Variants in CEACAM7 observed in about 807,000 individuals in gnomAD.
The protein encoded by CEACAM7 is cell adhesion molecule CEACAM7.
In CEACAM7, 24 loss-of-function variants were observed where a neutral mutation model predicts 25.7. The ratio of observed to expected loss-of-function variants is 0.93; its 90% CI spans 0.68 to 1.31. The LOEUF is 1.31. CEACAM7 is among the 40% of genes most tolerant of loss of function. The pLI is 0.00. For synonymous variants in CEACAM7, 144 were observed against 129.4 expected (o/e 1.11, Z -0.77); for missense variants, 324 against 330.1 (o/e 0.98, Z 0.14).
intron 3 of CEACAM7, among the ~76,000 whole-genome samples, chr19:41,677,994 A>G (rs1329248746): frequency 2.0e-5 from 3 of 152,190 alleles, no homozygotes; most frequent in Non-Finnish European, 4.4e-5. Context: ...AATTCCCAAC[A>G]GTCTTGCAGA....
At chr19:41,679,968 ATTTTTTTTTTTTT>A (rs35163344) in intron 3 of CEACAM7, among the ~76,000 whole-genome samples, 3 of 68,880 alleles carry the variant, frequency 4.4e-5, no homozygotes, top group African/African-American at 6.0e-5. Context: ...CACCTGGCTA[ATTTTTTTTTTTTT>A]TTTTTTTTTT....
intron 4 of CEACAM7, among the ~76,000 whole-genome samples, chr19:41,676,953 C>T (rs902755518): frequency 2.6e-5 from 4 of 152,048 alleles, no homozygotes; most frequent in Non-Finnish European, 4.4e-5. Context: ...TAGAGTAGGC[C>T]GCTGCAGGTT....
Position 41,683,776 on chromosome 19 carries a change from G to A in CEACAM7, c.706+9C>T. 6.2e-7 allele frequency: 1 copy of A among 1,613,820 alleles called. No homozygotes were observed. Among genetic ancestry groups the A allele is most frequent in the Non-Finnish European group, 8.5e-7 (1 of 1,179,750 alleles). ...CAGCCTGGGCCACAGAGGAACAGAA[G>A]ATACTCACAGCGGACATTCAGGGTG... On this transcript the variant is annotated intron_variant, in intron 3 of 4. Transcript: ENST00000401731.
intron 3 of CEACAM7, among the ~76,000 whole-genome samples, chr19:41,682,976 G>A (rs1218723942): frequency 6.6e-6 from 1 of 152,218 alleles, no homozygotes; most frequent in Non-Finnish European, 1.5e-5. Context: ...TGAAGTACAG[G>A]GAGGAGGGTC....
chr19:41,677,582 G>A, intron 3 of CEACAM7, 79 bp from the exon 4 acceptor site: 4 of 1,016,716 alleles, frequency 3.9e-6, no homozygotes, highest in South Asian at 2.8e-5. Context: ...CTCTCAGCAT[G>A]AAGTCGTTTC....
At chr19:41,684,108 G>C in intron 2 of CEACAM7, 45 bp from the exon 3 acceptor site, 5 of 1,569,392 alleles carry the variant, frequency 3.2e-6, no homozygotes, top group Non-Finnish European at 2.6e-6. Flanking sequence ...GTGGCCCCTT[G>C]GTTCCCCCAC....
chr19:41,680,564 A>G (rs2072164552), intron 3 of CEACAM7, among the ~76,000 whole-genome samples: 2 of 152,198 alleles, frequency 1.3e-5, no homozygotes, highest in Admixed American at 1.3e-4. Context: ...GAATACATAG[A>G]AACCAATGGA....
intron 4 of CEACAM7, among the ~76,000 whole-genome samples, chr19:41,676,438 C>T (rs1300792755): frequency 2.6e-5 from 4 of 152,178 alleles, no homozygotes; most frequent in Admixed American, 6.5e-5. Context: ...ATAGCTCACT[C>T]CAACCTTGAA....
rs782608870 is a variant in CEACAM7 at position 41,687,003 on chromosome 19, C to T, written c.283G>A (p.Ala95Thr). The T allele has an allele frequency of 8.7e-6, 14 of 1,613,390 alleles. No individual in the cohort carries two copies. Among genetic ancestry groups the T allele is most frequent in the Middle Eastern group, 1.6e-4 (1 of 6,076 alleles). Reference protein sequence around the residue: ...NISQENAPGPAHNGRETIYPN... With the variant: ...NISQENAPGPTHNGRETIYPN... Reference sequence around the variant, plus strand: ...TATATTGTCTCTCGACCGTTGTGTGCGGGCCCTGGGGCATTTTCTTGACTT... The same window carrying T: ...TATATTGTCTCTCGACCGTTGTGTGTGGGCCCTGGGGCATTTTCTTGACTT... Residue 95 changes from alanine to threonine, a missense_variant, in exon 2 of 5, where the codon GCA becomes ACA. Ala to Thr is a moderately conservative substitution (Grantham distance 58, BLOSUM62 0). Transcript: ENST00000401731.
At chr19:41,677,185 G>C (rs561499747) in intron 4 of CEACAM7, among the ~76,000 whole-genome samples, 191 bp downstream of exon 4, 1 of 152,336 alleles carries the variant, frequency 6.6e-6, no homozygotes, top group Admixed American at 6.5e-5. Flanking sequence ...ATGTCTAAGA[G>C]ACAGTGGAGT....
At chr19:41,683,699 G>T in intron 3 of CEACAM7, 86 bp downstream of exon 3, 1 of 1,552,764 alleles carries the variant, frequency 6.4e-7, no homozygotes, top group African/African-American at 1.4e-5. Flanking sequence ...TGTGTACTTG[G>T]ACCTGAGAGG....
intron 3 of CEACAM7, among the ~76,000 whole-genome samples, chr19:41,678,876 A>G (rs782546397): frequency 6.6e-6 from 1 of 152,390 alleles, no homozygotes; most frequent in Non-Finnish European, 1.5e-5. Flanking sequence ...GGCTCAGAGA[A>G]GTTAAGAATC....
At chr19:41,676,717 C>T (rs2072117366) in intron 4 of CEACAM7, among the ~76,000 whole-genome samples, 1 of 152,124 alleles carries the variant, frequency 6.6e-6, no homozygotes, top group Non-Finnish European at 1.5e-5. Context: ...ACAGAGGTTG[C>T]TTGTGATGAA....
intron 2 of CEACAM7, among the ~76,000 whole-genome samples, chr19:41,686,338 C>G (rs1373486373): frequency 1.3e-5 from 2 of 152,050 alleles, no homozygotes; most frequent in East Asian, 3.9e-4. Flanking sequence ...CTGGGGGTGA[C>G]CAGGCTGGTG....
chr19:41,686,537 C>T (rs1281484517), intron 2 of CEACAM7, among the ~76,000 whole-genome samples: 1 of 152,176 alleles, frequency 6.6e-6, no homozygotes, highest in Non-Finnish European at 1.5e-5. Flanking sequence ...GGGGACTCCT[C>T]AGGCCAGGCT....
intron 2 of CEACAM7, among the ~76,000 whole-genome samples, chr19:41,686,415 G>T (rs1027802033): frequency 2.0e-5 from 3 of 152,192 alleles, no homozygotes; most frequent in Non-Finnish European, 4.4e-5. Flanking sequence ...CAGCCCAGGA[G>T]GCCACAACCC....
intron 4 of CEACAM7, among the ~76,000 whole-genome samples, chr19:41,676,805 C>A (rs1555810138): frequency 6.6e-6 from 1 of 152,060 alleles, no homozygotes; most frequent in African/African-American, 2.4e-5. Context: ...ACTAAGAATT[C>A]TATGTGTACA....
At chr19:41,679,278 A>T (rs910185712) in intron 3 of CEACAM7, among the ~76,000 whole-genome samples, 18 of 152,290 alleles carry the variant, frequency 1.2e-4, no homozygotes, top group East Asian at 7.7e-4. Context: ...CAGAAACATA[A>T]AACCTTCCAA....
In CEACAM7 at chr19:41,674,556, T is replaced by C; in HGVS notation, c.*220A>G. 4.2e-6 allele frequency: 1 copy of C among 237,410 alleles called. No homozygotes were observed. The highest frequency in any genetic ancestry group is 8.4e-6 in the Non-Finnish European group (1 of 118,532). 14.7% of individuals were successfully genotyped at this position (237,410 alleles called of 1,614,324 possible). On this transcript the variant is annotated 3_prime_UTR_variant, in exon 5 of 5. Coordinates refer to ENST00000401731, the MANE Select transcript of CEACAM7 (RefSeq NM_001291485.2). The stretch of plus-strand genomic sequence containing the variant: ...GGTTGGCAATTTGAGTGTCTCTAGT[T>C]ATGGTGTTGAACATTTTGGTTAGCT...
Sources: gnomAD v4.1 joint callset for allele counts (sites outside exome capture counted in the v4.1 genomes callset) on GRCh38, gnomAD v4.1.1 for gene constraint, MANE v1.5 for transcripts, NCBI Gene and HGNC (gene_info 2026-07-23, HGNC 2026-07-21) for gene names.